GALNTL6: variants seen among roughly 807,000 people sequenced by gnomAD.
GALNTL6 encodes polypeptide N-acetylgalactosaminyltransferase-like 6.
In GALNTL6, 46 loss-of-function variants were observed where a neutral mutation model predicts 73.7. The ratio of observed to expected loss-of-function variants is 0.62; its 90% CI spans 0.49 to 0.80. GALNTL6 has a LOEUF of 0.80. Among genes scored for constraint, GALNTL6 ranks in the 30% least tolerant of loss-of-function variants. The pLI, the probability that GALNTL6 is intolerant of heterozygous loss-of-function variation, is 0.00. For missense variants in GALNTL6, 604 were observed against 755.0 expected, an observed-to-expected ratio of 0.80 and a Z score of 2.34; for synonymous variants, 259 against 263.7, an observed-to-expected ratio of 0.98 and a Z score of 0.17.
At chr4:172,380,540 C>G (rs908676703) in intron 5 of GALNTL6, 4 of 357,988 alleles carry the variant, frequency 1.1e-5, no homozygotes. Context: ...TTTATATATC[C>G]TTGTTTTCAA....
intron 2 of GALNTL6, among the ~76,000 whole-genome samples, chr4:172,056,225 T>C (rs932602496): frequency 6.6e-6 from 1 of 152,304 alleles, no homozygotes; most frequent in Non-Finnish European, 1.5e-5. Flanking sequence ...GAACTTATAT[T>C]TTCTGCATAA....
intron 5 of GALNTL6, among the ~76,000 whole-genome samples, chr4:172,715,498 G>T (rs1347639710): frequency 1.6e-5 from 2 of 128,732 alleles, no homozygotes; most frequent in East Asian, 4.6e-4. Flanking sequence ...GAAGCACAGG[G>T]TACTCTCCAA....
At chr4:172,342,879 A>C (rs1409788131) in intron 4 of GALNTL6, among the ~76,000 whole-genome samples, 1 of 152,190 alleles carries the variant, frequency 6.6e-6, no homozygotes, top group African/African-American at 2.4e-5. Context: ...AGCAGACAGC[A>C]ATGTGCCATT....
At chr4:171,873,585 T>C (rs1384595020) in intron 2 of GALNTL6, among the ~76,000 whole-genome samples, 1 of 152,204 alleles carries the variant, frequency 6.6e-6, no homozygotes, top group East Asian at 1.9e-4. Context: ...TAAAGGCAGT[T>C]CTGAAAACTG....
chr4:171,950,068 T>C (rs1738826344), intron 2 of GALNTL6, among the ~76,000 whole-genome samples: 1 of 152,180 alleles, frequency 6.6e-6, no homozygotes, highest in South Asian at 2.1e-4. Flanking sequence ...AGAAAATAGG[T>C]ATTCTTTGCA....
intron 3 of GALNTL6, among the ~76,000 whole-genome samples, chr4:172,254,416 C>A (rs1254312507): frequency 6.6e-6 from 1 of 151,602 alleles, no homozygotes; most frequent in Non-Finnish European, 1.5e-5. Flanking sequence ...GCTTTGTTTT[C>A]TGCACTTGCT....
intron 5 of GALNTL6, among the ~76,000 whole-genome samples, chr4:172,549,006 T>C (rs1735869053): frequency 6.6e-6 from 1 of 152,204 alleles, no homozygotes. Context: ...GTTATTTATA[T>C]TGTATTTTAA....
chr4:172,931,160 G>T lies in GALNTL6; in HGVS notation c.1042-1G>T. The T allele has an allele frequency of 6.4e-7, 1 of 1,560,658 alleles. No homozygotes were observed. The highest frequency in any genetic ancestry group is 1.1e-5 in the South Asian group (1 of 90,056). On this transcript the variant is annotated splice_acceptor_variant, in intron 8 of 12. Transcript: ENST00000506823. LOFTEE classifies it high-confidence loss of function. ...CTTTTGTTCTATTTTTCCCTCTTCA[G>T]GTTTGGATGTGTGGAGGAGAAATGT...
chr4:172,500,257 T>C (rs887839569), intron 5 of GALNTL6, among the ~76,000 whole-genome samples: 3 of 151,996 alleles, frequency 2.0e-5, no homozygotes, highest in African/African-American at 7.2e-5. Flanking sequence ...CTTGTATCTA[T>C]GAAAAATAGA....
intron 5 of GALNTL6, among the ~76,000 whole-genome samples, chr4:172,680,753 A>G (rs757333114): frequency 6.6e-6 from 1 of 152,218 alleles, no homozygotes; most frequent in Non-Finnish European, 1.5e-5. Context: ...ATTATTTAAA[A>G]TCTGTACCCT....
intron 10 of GALNTL6, among the ~76,000 whole-genome samples, chr4:172,988,017 G>A (rs959403464): frequency 1.3e-5 from 2 of 152,158 alleles, no homozygotes; most frequent in South Asian, 2.1e-4. Flanking sequence ...ACTGGGAGTG[G>A]GGCATTGCTA....
At chr4:172,304,003 A>G (rs1740033808) in intron 3 of GALNTL6, among the ~76,000 whole-genome samples, 1 of 152,204 alleles carries the variant, frequency 6.6e-6, no homozygotes, top group South Asian at 2.1e-4. Flanking sequence ...TTTCTCACCC[A>G]AAGACATAAA....
At chr4:172,367,087 T>C (rs1275643418) in intron 5 of GALNTL6, among the ~76,000 whole-genome samples, 3 of 152,140 alleles carry the variant, frequency 2.0e-5, no homozygotes, top group Non-Finnish European at 4.4e-5. Context: ...ACCTGTGAGA[T>C]GGCATACCTG....
At chr4:171,822,970 CAG>C (rs929150350) in intron 2 of GALNTL6, among the ~76,000 whole-genome samples, 42 of 152,252 alleles carry the variant, frequency 2.8e-4, no homozygotes, top group African/African-American at 9.6e-4. Flanking sequence ...AATTCATTGA[CAG>C]GTTCTTCTAT....
At chr4:172,587,533 G>GT (rs1737460351) in intron 5 of GALNTL6, among the ~76,000 whole-genome samples, 1 of 152,146 alleles carries the variant, frequency 6.6e-6, no homozygotes, top group African/African-American at 2.4e-5. Context: ...TTTCCACAGT[G>GT]TGTCTCCCAC....
At chr4:172,625,550 A>G (rs762937050) in intron 5 of GALNTL6, among the ~76,000 whole-genome samples, 2 of 152,208 alleles carry the variant, frequency 1.3e-5, no homozygotes, top group South Asian at 4.1e-4. Context: ...CAGTAATAAG[A>G]TTGCTGGGTT....
chr4:172,804,797 C>T (rs1740856938), intron 5 of GALNTL6, among the ~76,000 whole-genome samples: 1 of 152,188 alleles, frequency 6.6e-6, no homozygotes, highest in Non-Finnish European at 1.5e-5. Context: ...ATTATTCTGA[C>T]ATTAGTGGCA....
intron 3 of GALNTL6, 61 bp downstream of exon 3, chr4:172,229,825 G>A (rs574419100): frequency 7.3e-5 from 71 of 977,210 alleles, no homozygotes; most frequent in South Asian, 1.5e-4. Context: ...CATTTGTCAC[G>A]TAAAGGATCT....
chr4:172,351,181 GTCTATCTATCTATCTATCTATCTA>G (rs56948823), intron 5 of GALNTL6, among the ~76,000 whole-genome samples: 4 of 122,518 alleles, frequency 3.3e-5, no homozygotes, highest in African/African-American at 1.2e-4. Flanking sequence ...ACAATAATCT[GTCTATCTATCTATCTATCTATCTA>G]TCTATCTATC....
Sources: allele counts gnomAD v4.1 joint callset (sites outside exome capture counted in the v4.1 genomes callset), GRCh38; gene constraint gnomAD v4.1.1; transcripts MANE v1.5; gene names NCBI Gene and HGNC (gene_info 2026-07-23, HGNC 2026-07-21).